The following YES1 variants were observed in gnomAD, a reference collection of about 807,000 sequenced individuals.
YES1 encodes YES proto-oncogene 1, Src family tyrosine kinase.
Under a neutral mutation model 70.4 loss-of-function variants are expected in YES1, and 39 were observed. That is an observed-to-expected ratio of 0.55 (90% CI 0.43 to 0.72). The LOEUF (loss-of-function observed/expected upper bound fraction) is 0.72, where lower values mean the gene tolerates loss of function less well. Ranked by LOEUF, YES1 falls within the 30% of genes least tolerant of loss-of-function variation. The pLI is 0.00. For synonymous variants in YES1, 198 were observed against 218.6 expected, an observed-to-expected ratio of 0.91 and a Z score of 0.83; for missense variants, 495 against 644.8, an observed-to-expected ratio of 0.77 and a Z score of 2.52.
At chr18:810,937 T>C (rs1187521661) in intron 1 of YES1, among the ~76,000 whole-genome samples, 1 of 151,832 alleles carries the variant, frequency 6.6e-6, no homozygotes, top group Non-Finnish European at 1.5e-5. Flanking sequence ...CTGTCCACCG[T>C]GTGCCAAGCA....
chr18:757,419 C>T (rs868310647), intron 1 of YES1, among the ~76,000 whole-genome samples: 20 of 150,474 alleles, frequency 1.3e-4, no homozygotes, highest in African/African-American at 3.4e-4. Flanking sequence ...AGGAGAATGG[C>T]GTGAACCCGG....
intron 4 of YES1, among the ~76,000 whole-genome samples, chr18:747,369 T>C (rs868717646): frequency 2.0e-5 from 3 of 152,132 alleles, no homozygotes; most frequent in South Asian, 2.1e-4. Flanking sequence ...CTTGGGAGGC[T>C]GAGGCAGGAG....
chr18:753,532 G>A (rs2080368892), intron 2 of YES1, among the ~76,000 whole-genome samples: 1 of 152,096 alleles, frequency 6.6e-6, no homozygotes, highest in African/African-American at 2.4e-5. Flanking sequence ...TGTTGCCCAG[G>A]CTAGAGTGCA....
In YES1 at chr18:722,965, A is replaced by C. The variant is rs188975592; in HGVS notation, c.*1459T>G. 6.6e-6 allele frequency: 1 copy of C among 152,130 alleles called. No homozygotes were observed. The highest frequency in any genetic ancestry group is 2.4e-5 in the African/African-American group (1 of 41,422). The allele number at this position is 152,130 out of a possible 1,614,324, so 9.4% of individuals were successfully genotyped here. On this transcript the variant is annotated 3_prime_UTR_variant, in exon 12 of 12. Transcript: ENST00000314574. The stretch of plus-strand genomic sequence containing the variant: ...AAACTAGCCAGGCGTGGTGGTGGGC[A>C]CCTGTAGTCCCAGCTACTCGGGAGG...
intron 10 of YES1, 102 bp downstream of exon 10, chr18:736,706 A>T: frequency 7.0e-7 from 1 of 1,433,446 alleles, no homozygotes; most frequent in Non-Finnish European, 9.3e-7. Context: ...GACTCTTCTG[A>T]GGGAAGCTAA....
chr18:749,866 A>T (rs2080324081), intron 3 of YES1, among the ~76,000 whole-genome samples: 1 of 152,110 alleles, frequency 6.6e-6, no homozygotes, highest in Admixed American at 6.6e-5. Context: ...CTCAAAAAAA[A>T]AAAAAAAAAG....
intron 6 of YES1, among the ~76,000 whole-genome samples, chr18:744,153 T>C (rs2080250491): frequency 6.6e-6 from 1 of 151,780 alleles, no homozygotes. Flanking sequence ...ATCTCATATA[T>C]AAATGAAGCT....
intron 1 of YES1, among the ~76,000 whole-genome samples, chr18:769,250 G>C (rs566622519): frequency 6.6e-5 from 10 of 152,224 alleles, no homozygotes; most frequent in South Asian, 6.2e-4. Context: ...ACGTGCGACC[G>C]TAAGTAAATC....
intron 1 of YES1, among the ~76,000 whole-genome samples, chr18:787,749 C>T (rs1906039513): frequency 6.6e-6 from 1 of 151,974 alleles, no homozygotes; most frequent in African/African-American, 2.4e-5. Context: ...CAATTCTTTT[C>T]CCCATCATCA....
chr18:768,201 C>G (rs1277540201), intron 1 of YES1, among the ~76,000 whole-genome samples: 5 of 152,214 alleles, frequency 3.3e-5, no homozygotes, highest in Admixed American at 3.3e-4. Flanking sequence ...CAAAAGCAGG[C>G]AGTTGGCTTG....
At chr18:789,157 C>T (rs1218591059) in intron 1 of YES1, among the ~76,000 whole-genome samples, 1 of 152,150 alleles carries the variant, frequency 6.6e-6, no homozygotes, top group East Asian at 1.9e-4. Flanking sequence ...GATAACAGAA[C>T]ATATGCTATA....
chr18:755,247 T>C (rs2080390415), intron 2 of YES1, among the ~76,000 whole-genome samples: 2 of 151,520 alleles, frequency 1.3e-5, no homozygotes, highest in African/African-American at 4.9e-5. Flanking sequence ...CCTCTGGCCA[T>C]TGCCTTTTTT....
intron 1 of YES1, among the ~76,000 whole-genome samples, chr18:775,819 G>C (rs1905352525): frequency 6.6e-6 from 1 of 151,724 alleles, no homozygotes; most frequent in Admixed American, 6.6e-5. Context: ...AAAAAAAATA[G>C]AATCATATAT....
upstream of YES1, chr18:812,329 C>CCCCCCCCCGGCCCCG (rs1907449033): frequency 2.1e-4 from 1 of 4,782 alleles, no homozygotes; most frequent in African/African-American, 2.2e-3. Context: ...CCTCCTCCGC[C>CCCCCCCCCGGCCCCG]CCCCCCCCCC....
In YES1 at chr18:760,182, CA is replaced by C. The variant is rs563444033; in HGVS notation, c.-8-3348del. Among the ~76,000 whole-genome samples the C allele has an allele frequency of 5.9e-5, 9 of 152,074 alleles. No individual in the cohort carries two copies. In the South Asian group the frequency reaches 8.3e-4, roughly 14 times the overall value. On this transcript the variant is annotated intron_variant, in intron 1 of 11. Coordinates refer to ENST00000314574, the MANE Select transcript of YES1 (RefSeq NM_005433.4). ...CAATCTGGAGACAATTTAAAGCATA[CA>C]GGGGGACTGGGCACAGTGGCTCACA... is the stretch of plus-strand genomic sequence containing the variant.
chr18:768,550 T>C (rs1324858121), intron 1 of YES1, among the ~76,000 whole-genome samples: 2 of 152,198 alleles, frequency 1.3e-5, no homozygotes, highest in East Asian at 3.8e-4. Context: ...TACTACTTTA[T>C]TTCTATTTCC....
intron 1 of YES1, among the ~76,000 whole-genome samples, chr18:795,112 C>T (rs1206517717): frequency 6.6e-6 from 1 of 152,210 alleles, no homozygotes; most frequent in African/African-American, 2.4e-5. Flanking sequence ...TTCACAGGTA[C>T]TGAGGGTTAG....
intron 1 of YES1, among the ~76,000 whole-genome samples, chr18:796,472 T>C (rs867782888): frequency 3.9e-4 from 60 of 152,258 alleles, no homozygotes; most frequent in African/African-American, 1.4e-3. Flanking sequence ...GGTATTGGCA[T>C]AGAAACAAAC....
At chr18:744,934 T>C (rs1342398981) in intron 6 of YES1, among the ~76,000 whole-genome samples, 5 of 152,092 alleles carry the variant, frequency 3.3e-5, no homozygotes, top group African/African-American at 1.2e-4. Context: ...AAATGAGACA[T>C]GTTCTCTCCT....
Sources: allele counts gnomAD v4.1 joint callset (sites outside exome capture counted in the v4.1 genomes callset), GRCh38; gene constraint gnomAD v4.1.1; transcripts MANE v1.5; gene names NCBI Gene and HGNC (gene_info 2026-07-23, HGNC 2026-07-21).